Variants in ZNF276 observed in about 807,000 individuals in gnomAD.
ZNF276 encodes zinc finger protein 276.
In ZNF276, 59 loss-of-function variants were observed where a neutral mutation model predicts 63.9. The observed-to-expected ratio is 0.92, with a 90% CI of 0.75 to 1.15. The LOEUF is 1.15. Among genes scored for constraint, ZNF276 ranks in the 50% most tolerant of loss-of-function variants. The pLI is 0.00. For synonymous variants in ZNF276, 496 were observed against 348.4 expected, an observed-to-expected ratio of 1.42 and a Z score of -4.72; for missense variants, 1,084 against 843.8, an observed-to-expected ratio of 1.28 and a Z score of -3.53.
upstream of ZNF276, chr16:89,720,378 C>T (rs1201556606): frequency 1.0e-6 from 1 of 987,232 alleles, no homozygotes; most frequent in East Asian, 1.1e-4. Flanking sequence ...CTCTGCATGC[C>T]GTCCCCTGTG....
chr16:89,739,459 G>A lies in ZNF276; in HGVS notation c.*1213G>A, dbSNP rs978377623. 2 of 1,551,970 alleles carry A rather than the reference G, an allele frequency of 1.3e-6. No individual in the cohort carries two copies. Among genetic ancestry groups the A allele is most frequent in the Non-Finnish European group, 1.7e-6 (2 of 1,147,726 alleles). ...GGGAAACACTGCCCAGCCCTGACCA[G>A]CCCTGTGGGTGGAGGTACCTGTAAA... On this transcript the variant is annotated 3_prime_UTR_variant, in exon 11 of 11. Transcript: ENST00000443381.
Position 89,733,964 on chromosome 16 carries a change from G to A in ZNF276, c.1400G>A (p.Cys467Tyr). ...CACGAGGAGGTCCGGGAGCGGCCCT[G>A]CCCCCACCCTGGCTGCAACAAGGTT... ...EHHEEVRERP[C>Y]PHPGCNKVFM... Residue 467 changes from cysteine to tyrosine, a missense_variant, in exon 9 of 11, where the codon TGC becomes TAC. Cys to Tyr is a radical substitution (Grantham distance 194, BLOSUM62 -2). Transcript: ENST00000443381. 3 of 1,614,066 alleles carry A rather than the reference G, an allele frequency of 1.9e-6. No individual in the cohort carries two copies. Among genetic ancestry groups the A allele is most frequent in the Non-Finnish European group, 2.5e-6 (3 of 1,180,030 alleles).
chr16:89,721,798 C>G lies in ZNF276; in HGVS notation c.158C>G (p.Pro53Arg), dbSNP rs551059631. 38 of 1,254,120 alleles carry G rather than the reference C, an allele frequency of 3.0e-5. No homozygotes were observed. The African/African-American group carries it at 5.3e-4, about 17-fold the overall frequency. The allele number at this position is 1,254,120 out of a possible 1,614,324, so 77.7% of individuals were successfully genotyped here. A position where few individuals can be genotyped will look rare whatever the true frequency, so the allele number is the denominator to read the frequency against. Residue 53 changes from proline to arginine, a missense_variant, in exon 1 of 11, where the codon CCG (proline) becomes CGG (arginine). By Grantham distance (103) the Pro-to-Arg change is moderately radical. Transcript: ENST00000443381. ...GCGACGGCGCGGCGCGCCTGGGGCC[C>G]GGTGGGGTCCTGCGGGGACGCGGGC... Reference protein sequence around the residue: ...DGATARRAWGPVGSCGDAGED... With the variant: ...DGATARRAWGRVGSCGDAGED...
intron 5 of ZNF276, among the ~76,000 whole-genome samples, chr16:89,727,620 C>G (rs969694598): frequency 6.6e-6 from 1 of 152,144 alleles, no homozygotes; most frequent in Admixed American, 6.6e-5. Context: ...GGCTTCTTGT[C>G]TCTGATTGAT....
In ZNF276 at chr16:89,733,799, GTGGTGTCGC is replaced by G. The variant is rs139607065; in HGVS notation, c.1357-118_1357-110del. ...TTGGAGTGAAGCTGTGAAGGAGCCA[GTGGTGTCGC>G]TGGAGGAGGAGTTGGATCTGCCTTC... On this transcript the variant is annotated intron_variant, in intron 8 of 10. Coordinates refer to ENST00000443381, the MANE Select transcript of ZNF276 (RefSeq NM_001113525.2). 6.3e-3 allele frequency: 6,051 copies of G among 959,470 alleles called. 232 individuals carry two copies. The African/African-American group carries it at 0.086, about 14-fold the overall frequency. 59.4% of individuals were successfully genotyped at this position (959,470 alleles called of 1,614,324 possible).
upstream of ZNF276, chr16:89,721,502 C>T (rs553175179): frequency 2.3e-6 from 2 of 878,428 alleles, no homozygotes; most frequent in Non-Finnish European, 3.2e-6. Flanking sequence ...CCCGCCCCGC[C>T]CGCCTCGCTT....
chr16:89,736,479 C>T (rs1293336263), intron 9 of ZNF276, among the ~76,000 whole-genome samples: 1 of 151,862 alleles, frequency 6.6e-6, no homozygotes, highest in Non-Finnish European at 1.5e-5. Context: ...TGTGTGCCAC[C>T]ACACCTGGCT....
chr16:89,738,740 C>G lies in ZNF276; in HGVS notation c.*494C>G, dbSNP rs778452514. On this transcript the variant is annotated 3_prime_UTR_variant, in exon 11 of 11. Coordinates refer to ENST00000443381, the MANE Select transcript of ZNF276 (RefSeq NM_001113525.2). Reference sequence around the variant, plus strand: ...GAGAGGAGCAGGTCCTCAGCCCATGCCGCCCACTAGGCCTCAGACCACAGG... The same window carrying G: ...GAGAGGAGCAGGTCCTCAGCCCATGGCGCCCACTAGGCCTCAGACCACAGG... 6.2e-7 allele frequency: 1 copy of G among 1,612,574 alleles called. No homozygotes were observed. Among genetic ancestry groups the G allele is most frequent in the Non-Finnish European group, 8.5e-7 (1 of 1,179,390 alleles).
At chr16:89,732,671 C>T (rs7206546) in intron 6 of ZNF276, 68,513 of 214,342 alleles carry the variant, frequency 0.32, 13,220 homozygotes, top group Non-Finnish European at 0.41. Flanking sequence ...CCTGCGTCCT[C>T]GCCCTCTGCT....
In ZNF276 at chr16:89,740,404, C is replaced by T. The variant is rs924165261; in HGVS notation, c.*2158C>T. ...CCTGTAATCCCAACACTTTGGGAGG[C>T]CGAGGTCGGCGGATCACTGAGGCCA... On this transcript the variant is annotated 3_prime_UTR_variant, in exon 11 of 11. Coordinates refer to ENST00000443381, the MANE Select transcript of ZNF276 (RefSeq NM_001113525.2). 18 of 473,494 alleles carry T rather than the reference C, an allele frequency of 3.8e-5. No homozygotes were observed. The highest frequency in any genetic ancestry group is 2.9e-4 in the African/African-American group (15 of 51,412). 29.3% of individuals were successfully genotyped at this position (473,494 alleles called of 1,614,324 possible).
chr16:89,737,262 A>C (rs2077155), intron 9 of ZNF276, among the ~76,000 whole-genome samples: 2 of 152,012 alleles, frequency 1.3e-5, no homozygotes, highest in Admixed American at 6.6e-5. Flanking sequence ...TGGCTCACAC[A>C]TGTAATCCCA....
In ZNF276 at chr16:89,722,627, C is replaced by T. The variant is rs2061333358; in HGVS notation, c.302C>T (p.Ala101Val). Residue 101 changes from alanine to valine, a missense_variant, in exon 2 of 11, where the codon GCG (alanine) becomes GTG (valine). By Grantham distance (64) the Ala-to-Val change is moderately conservative. Transcript: ENST00000443381. ...AGCATCTCCGAGAGGGCGCCTGGAG[C>T]GAGCATGGAGAGGCCATCCGCAGAG... Reference protein sequence around the residue: ...LRSISERAPGASMERPSAEER... With the variant: ...LRSISERAPGVSMERPSAEER... 1.9e-6 allele frequency: 3 copies of T among 1,612,004 alleles called. No individual in the cohort carries two copies. Among genetic ancestry groups the T allele is most frequent in the East Asian group, 2.2e-5 (1 of 44,872 alleles).
At chr16:89,721,051 C>T (rs550196032), upstream of ZNF276, 8 of 477,942 alleles carry the variant, frequency 1.7e-5, no homozygotes, top group East Asian at 2.6e-4. Context: ...GCGGGGGCGG[C>T]AGAGTCCGGG....
intron 2 of ZNF276, 54 bp from the exon 3 acceptor site, chr16:89,723,083 C>G (rs141245262): frequency 6.2e-7 from 1 of 1,612,238 alleles, no homozygotes; most frequent in Non-Finnish European, 8.5e-7. Flanking sequence ...GTACGACGAG[C>G]GCTGTGAACC....
intron 2 of ZNF276, 80 bp downstream of exon 2, chr16:89,722,914 C>T (rs1036132121): frequency 1.3e-6 from 2 of 1,559,214 alleles, no homozygotes; most frequent in East Asian, 2.2e-5. Flanking sequence ...ACAGGGCGTG[C>T]CTCCGCGGGA....
In ZNF276 at chr16:89,729,241, C is replaced by G. The variant is rs1425207541; in HGVS notation, c.1092C>G (p.Val364=). ...ATTCTCTCTTAATTCCTAGAGACGT[C>G]TTGAGTGAAGATGAAAATGACAAGA... is the stretch of plus-strand genomic sequence containing the variant. ...DEFSDLSEGD[V]LSEDENDKKQ... Residue 364 remains valine, a synonymous_variant, in exon 6 of 11, where the codon GTC becomes GTG. Transcript: ENST00000443381. 6.2e-7 allele frequency: 1 copy of G among 1,614,098 alleles called. No homozygotes were observed. Among genetic ancestry groups the G allele is most frequent in the South Asian group, 1.1e-5 (1 of 91,088 alleles).
chr16:89,727,481 G>A, intron 5 of ZNF276, 124 bp downstream of exon 5: 2 of 1,123,300 alleles, frequency 1.8e-6, no homozygotes, highest in South Asian at 3.0e-5. Flanking sequence ...AAACCAAACA[G>A]CCATCGTAGG....
rs181842476 is a variant in ZNF276 at position 89,738,436 on chromosome 16, G to A, written c.*190G>A. ...ACCAGTGGTTTATTTTCCCGCAAAC[G>A]CTGAGTGACTCGGGGCCGGACAGTT... On this transcript the variant is annotated 3_prime_UTR_variant, in exon 11 of 11. Transcript: ENST00000443381. 9.8e-5 allele frequency: 135 copies of A among 1,380,216 alleles called. No individual in the cohort carries two copies. In the African/African-American group the frequency reaches 1.7e-3, roughly 17 times the overall value. 85.5% of individuals were successfully genotyped at this position (1,380,216 alleles called of 1,614,324 possible). A position where few individuals can be genotyped will look rare whatever the true frequency, so the allele number is the denominator to read the frequency against.
At position 89,736,456 on chromosome 16, in the gene ZNF276, C is replaced by T. The variant is rs902671613; in HGVS notation, c.1475-1350C>T. On this transcript the variant is annotated intron_variant, in intron 9 of 10. Coordinates refer to ENST00000443381, the MANE Select transcript of ZNF276 (RefSeq NM_001113525.2). ...TCTGCTGCCTCAGCCTCCCGAGTAG[C>T]TGGGACTACAGGTGTGTGCCACCAC... Among the ~76,000 whole-genome samples, 4 of 152,026 alleles carry T rather than the reference C, an allele frequency of 2.6e-5. No homozygotes were observed. In the East Asian group the frequency reaches 7.8e-4, roughly 30 times the overall value.
Sources: allele counts gnomAD v4.1 joint callset (sites outside exome capture counted in the v4.1 genomes callset), GRCh38; gene constraint gnomAD v4.1.1; transcripts MANE v1.5; gene names NCBI Gene and HGNC (gene_info 2026-07-23, HGNC 2026-07-21).